Variants in CPVL observed in about 807,000 individuals in gnomAD.
CPVL encodes the protein carboxypeptidase vitellogenic like, also known as probable serine carboxypeptidase CPVL.
In CPVL, 51 loss-of-function variants were observed where a neutral mutation model predicts 63.7. That is an observed-to-expected ratio of 0.80 (90% CI 0.64 to 1.01). The LOEUF is 1.01. Among genes scored for constraint, CPVL ranks in the 50% least tolerant of loss-of-function variants. The probability of loss-of-function intolerance (pLI) is 0.00; values close to 1 mark genes in which losing one functional copy is unlikely to be tolerated. For missense variants in CPVL, 530 were observed against 573.1 expected (o/e 0.92, Z 0.77); for synonymous variants, 195 against 206.0 (o/e 0.95, Z 0.46).
intron 11 of CPVL, among the ~76,000 whole-genome samples, chr7:29,036,418 ACTT>A (rs1050248960): frequency 1.3e-5 from 2 of 152,220 alleles, no homozygotes; most frequent in African/African-American, 4.8e-5. Flanking sequence ...TCGACACAGC[ACTT>A]CTTCTAAATA....
chr7:29,176,922 G>C (rs1388747864), intron 5 of CPVL, among the ~76,000 whole-genome samples: 5 of 151,820 alleles, frequency 3.3e-5, no homozygotes, highest in Non-Finnish European at 5.9e-5. Context: ...AAAATGCCTA[G>C]GTTAACTTCT....
At chr7:29,034,944 T>A (rs1788380374) in intron 11 of CPVL, among the ~76,000 whole-genome samples, 2 of 151,754 alleles carry the variant, frequency 1.3e-5, no homozygotes, top group Admixed American at 1.3e-4. Flanking sequence ...TTTGTAAGAA[T>A]TCAAATACTA....
At chr7:29,140,188 C>T (rs1456991839) in intron 1 of CPVL, among the ~76,000 whole-genome samples, 1 of 152,128 alleles carries the variant, frequency 6.6e-6, no homozygotes, top group Non-Finnish European at 1.5e-5. Context: ...ACTTGTAATC[C>T]CGGCACTTTA....
intron 12 of CPVL, among the ~76,000 whole-genome samples, chr7:29,021,881 A>G (rs1454705759): frequency 6.6e-6 from 1 of 151,952 alleles, no homozygotes; most frequent in East Asian, 1.9e-4. Flanking sequence ...ACCCCCCTAC[A>G]TCTACTCAAA....
upstream of CPVL, chr7:29,146,960 A>G (rs245881): frequency 0.78 from 1,214,956 of 1,550,798 alleles, 477,728 homozygotes; most frequent in East Asian, 0.99. Context: ...CTGCACTAGC[A>G]GTAAGCTCGC....
chr7:29,029,561 A>C (rs1047445687), intron 12 of CPVL, among the ~76,000 whole-genome samples: 1 of 152,344 alleles, frequency 6.6e-6, no homozygotes, highest in Admixed American at 6.5e-5. Flanking sequence ...AAAGAAAGAC[A>C]AATATCGTAT....
chr7:29,091,175 G>A (rs1785736909), intron 6 of CPVL, among the ~76,000 whole-genome samples: 2 of 152,180 alleles, frequency 1.3e-5, no homozygotes. Flanking sequence ...CCCTTTACAT[G>A]TCAGGAAAGA....
chr7:29,033,964 AT>A (rs1485717988), intron 11 of CPVL, among the ~76,000 whole-genome samples: 1 of 152,252 alleles, frequency 6.6e-6, no homozygotes, highest in Admixed American at 6.5e-5. Flanking sequence ...TACTCTAATT[AT>A]CACATATTTA....
chr7:29,171,825 AGTT>A (rs1414421046), intron 5 of CPVL, among the ~76,000 whole-genome samples: 1 of 152,314 alleles, frequency 6.6e-6, no homozygotes, highest in South Asian at 2.1e-4. Context: ...TAAGAAATGA[AGTT>A]GTTGTAGCTG....
chr7:28,995,551 T>A lies in CPVL; in HGVS notation c.*221A>T, dbSNP rs1421066795. On this transcript the variant is annotated 3_prime_UTR_variant, in exon 13 of 13. Coordinates refer to ENST00000265394, the MANE Select transcript of CPVL (RefSeq NM_031311.5). ...CACATCATCCATACCTTTCATCCTT[T>A]AAGTTAAATAATGTAATTCTTACTC... The A allele has an allele frequency of 2.1e-6, 1 of 471,670 alleles. No homozygotes were observed. Among genetic ancestry groups the A allele is most frequent in the Admixed American group, 4.2e-5 (1 of 23,640 alleles). 29.2% of individuals were successfully genotyped at this position (471,670 alleles called of 1,614,324 possible).
At chr7:29,130,429 C>G (rs957833808) in intron 1 of CPVL, among the ~76,000 whole-genome samples, 5 of 152,118 alleles carry the variant, frequency 3.3e-5, no homozygotes, top group Non-Finnish European at 1.5e-5. Flanking sequence ...TCTATATTAA[C>G]AGATTTTATA....
chr7:29,119,428 A>G (rs780098489), intron 2 of CPVL, among the ~76,000 whole-genome samples: 108 of 148,680 alleles, frequency 7.3e-4, no homozygotes, highest in Middle Eastern at 3.4e-3. Context: ...TGCAGAGCGC[A>G]GTGAGCCGAG....
intron 1 of CPVL, chr7:29,194,785 G>C (rs1463883800): frequency 1.9e-6 from 1 of 519,536 alleles, no homozygotes; most frequent in Non-Finnish European, 3.1e-6. Context: ...GGTGGAGCAG[G>C]AAGTGCAGGC....
At chr7:29,071,529 C>T (rs1783728199) in intron 9 of CPVL, among the ~76,000 whole-genome samples, 1 of 152,182 alleles carries the variant, frequency 6.6e-6, no homozygotes, top group Non-Finnish European at 1.5e-5. Flanking sequence ...ATGAAAGACA[C>T]AGTTAGATAA....
At chr7:29,162,451 C>T (rs1050909415) in intron 5 of CPVL, among the ~76,000 whole-genome samples, 1 of 152,100 alleles carries the variant, frequency 6.6e-6, no homozygotes, top group Non-Finnish European at 1.5e-5. Flanking sequence ...CACCTGAGGT[C>T]GGGAGTTCAA....
At chr7:29,000,657 G>A (rs1360689312) in intron 12 of CPVL, among the ~76,000 whole-genome samples, 4 of 152,160 alleles carry the variant, frequency 2.6e-5, no homozygotes, top group African/African-American at 9.7e-5. Context: ...TGACATGCTG[G>A]GATGAGTGGA....
intron 5 of CPVL, among the ~76,000 whole-genome samples, chr7:29,164,852 T>C (rs1245109272): frequency 1.3e-5 from 2 of 151,342 alleles, no homozygotes; most frequent in East Asian, 1.9e-4. Context: ...GGTCAACTGA[T>C]ATATATGTGT....
intron 12 of CPVL, among the ~76,000 whole-genome samples, chr7:28,996,929 G>T (rs1215594231): frequency 4.6e-5 from 7 of 152,168 alleles, no homozygotes; most frequent in Non-Finnish European, 7.3e-5. Context: ...AATGAAATGC[G>T]CTAGTCTTAA....
chr7:29,028,044 A>G (rs1319488380), intron 12 of CPVL, among the ~76,000 whole-genome samples: 2 of 152,218 alleles, frequency 1.3e-5, no homozygotes, highest in Non-Finnish European at 2.9e-5. Context: ...ATTTCAAAAT[A>G]TACTACAAAG....
Sources: allele counts gnomAD v4.1 joint callset (sites outside exome capture counted in the v4.1 genomes callset), GRCh38; gene constraint gnomAD v4.1.1; transcripts MANE v1.5; gene names NCBI Gene and HGNC (gene_info 2026-07-23, HGNC 2026-07-21).